Variants in MYO5B observed in about 807,000 individuals in gnomAD.
MYO5B encodes the protein myosin VB.
Under a neutral mutation model 229.3 loss-of-function variants are expected in MYO5B, and 143 were observed. That is an observed-to-expected ratio of 0.62 (90% CI 0.54 to 0.72). The LOEUF (loss-of-function observed/expected upper bound fraction) is 0.72, where lower values mean the gene tolerates loss of function less well. Among genes scored for constraint, MYO5B ranks in the 30% least tolerant of loss-of-function variants. MYO5B has a pLI of 0.00. For synonymous variants in MYO5B, 918 were observed against 885.2 expected, an observed-to-expected ratio of 1.04 and a Z score of -0.66; for missense variants, 2,321 against 2,331.0, an observed-to-expected ratio of 1.00 and a Z score of 0.09.
rs570217403 is a variant in MYO5B, at chr18:50,055,439, G to T, written c.28-61C>A. On this transcript the variant is annotated intron_variant, in intron 1 of 39. Coordinates refer to ENST00000285039, the MANE Select transcript of MYO5B (RefSeq NM_001080467.3). ...ACAAAGCTCTCAGATTTCTAAATGT[G>T]TGTCACTACCTAGAAAGTGCCCATC... 24 of 1,385,678 alleles carry T rather than the reference G, an allele frequency of 1.7e-5. No homozygotes were observed. In the East Asian group the frequency reaches 4.8e-4, roughly 28 times the overall value. 85.8% of individuals were successfully genotyped at this position (1,385,678 alleles called of 1,614,324 possible). A position where few individuals can be genotyped will look rare whatever the true frequency, so the allele number is the denominator to read the frequency against.
chr18:49,974,479 A>G lies in MYO5B; in HGVS notation c.1193T>C (p.Ile398Thr), dbSNP rs760268635. 6 of 1,614,132 alleles carry G rather than the reference A, an allele frequency of 3.7e-6. No individual in the cohort carries two copies. The highest frequency in any genetic ancestry group is 4.2e-6 in the Non-Finnish European group (5 of 1,180,020). The stretch of plus-strand genomic sequence containing the variant: ...CTTCGCCAGGGCGTTGCGCGCATTG[A>G]TCACCTGCTGCAGGGACATGGTCTT... Reference protein sequence around the residue: ...YVKTMSLQQVINARNALAKHI... With the variant: ...YVKTMSLQQVTNARNALAKHI... The change falls in exon 10 of 40, where the codon ATC becomes ACC. Residue 398 changes from isoleucine (I) to threonine (T), a missense_variant. By Grantham distance (89) the Ile-to-Thr change is moderately conservative (BLOSUM62 -1). Transcript: ENST00000285039.
intron 14 of MYO5B, among the ~76,000 whole-genome samples, chr18:49,952,458 C>T (rs1399366414): frequency 6.6e-6 from 1 of 152,032 alleles, no homozygotes; most frequent in Non-Finnish European, 1.5e-5. Flanking sequence ...ACCCTCTCCC[C>T]GTGCTCCTTC....
At chr18:49,874,488 T>C (rs997754445) in intron 26 of MYO5B, among the ~76,000 whole-genome samples, 1 of 152,236 alleles carries the variant, frequency 6.6e-6, no homozygotes, top group African/African-American at 2.4e-5. Flanking sequence ...CTTTCCATTC[T>C]GAATCAAGTC....
chr18:50,170,430 C>T lies in MYO5B; in HGVS notation c.27+24337G>A, dbSNP rs1448802198. On this transcript the variant is annotated intron_variant, in intron 1 of 39. Transcript: ENST00000285039. ...CTTTAGAATATTACCTACAAATAAA[C>T]GGGGACTTTGATAAATAACTATTCA... 7.8e-5 allele frequency among the ~76,000 whole-genome samples: 10 copies of T among 127,712 alleles called. 4 individuals carry two copies. In the East Asian group the frequency reaches 1.4e-3, roughly 17 times the overall value. 83.8% of individuals were successfully genotyped at this position (127,712 alleles called of 152,430 possible).
At chr18:49,837,942 T>G (rs529909282) in intron 36 of MYO5B, 140 bp from the exon 37 acceptor site, 8 of 1,151,058 alleles carry the variant, frequency 7.0e-6, no homozygotes, top group Non-Finnish European at 1.0e-5. Context: ...TAGGAACTTA[T>G]AACATTTGGC....
chr18:50,137,794 T>C (rs1156437857), intron 1 of MYO5B, among the ~76,000 whole-genome samples: 2 of 152,192 alleles, frequency 1.3e-5, no homozygotes, highest in African/African-American at 2.4e-5. Flanking sequence ...TGGAATACTA[T>C]GCAGCTATGA....
Position 50,111,468 on chromosome 18 carries a change from C to CT in MYO5B, c.28-56091dup, listed in dbSNP as rs375714062. On this transcript the variant is annotated intron_variant, in intron 1 of 39. Transcript: ENST00000285039. ...AACAGATCCTTCTGGTTCTCATTCT[C>CT]TTTGAAAGTTCTGGGGCAAATTCTC... Among the ~76,000 whole-genome samples, 820 of 152,304 alleles carry CT rather than the reference C, an allele frequency of 5.4e-3. 2 individuals are homozygous for CT. Among genetic ancestry groups the CT allele is most frequent in the African/African-American group, 0.019 (792 of 41,572 alleles).
chr18:50,026,743 A>G (rs60954036), intron 4 of MYO5B, among the ~76,000 whole-genome samples: 1,732 of 152,326 alleles, frequency 0.011, 33 homozygotes, highest in African/African-American at 0.04. Flanking sequence ...TGTGCCTGAC[A>G]TTCAGCAAAC....
At chr18:49,833,976 A>C (rs769442905) in intron 39 of MYO5B, among the ~76,000 whole-genome samples, 21 of 152,088 alleles carry the variant, frequency 1.4e-4, no homozygotes, top group Non-Finnish European at 2.8e-4. Context: ...CCCTTAGGAG[A>C]ACAACCTTTA....
chr18:50,081,426 A>C (rs560555631), intron 1 of MYO5B, among the ~76,000 whole-genome samples: 28 of 152,354 alleles, frequency 1.8e-4, no homozygotes, highest in Non-Finnish European at 3.1e-4. Flanking sequence ...GCTGATTCAT[A>C]CACTCTACAC....
chr18:50,061,439 G>C (rs554214883), intron 1 of MYO5B, among the ~76,000 whole-genome samples: 9 of 152,278 alleles, frequency 5.9e-5, no homozygotes, highest in African/African-American at 2.2e-4. Flanking sequence ...ATGAGAAAAG[G>C]AAAATAAGAA....
chr18:50,086,913 C>T (rs2031342934), intron 1 of MYO5B, among the ~76,000 whole-genome samples: 1 of 152,100 alleles, frequency 6.6e-6, no homozygotes, highest in South Asian at 2.1e-4. Context: ...GGTCTGTATA[C>T]AGCAACATAG....
chr18:50,122,806 A>AT (rs1035857828), intron 1 of MYO5B, among the ~76,000 whole-genome samples: 17 of 152,194 alleles, frequency 1.1e-4, no homozygotes, highest in African/African-American at 4.1e-4. Flanking sequence ...AAAAAATAAA[A>AT]TAGAAAATAA....
At chr18:50,091,911 T>C (rs774398962) in intron 1 of MYO5B, among the ~76,000 whole-genome samples, 8 of 152,226 alleles carry the variant, frequency 5.3e-5, no homozygotes, top group Non-Finnish European at 1.2e-4. Context: ...GACAATGCAC[T>C]GGGACCATCC....
At chr18:49,826,721 A>T in intron 39 of MYO5B, 98 bp from the exon 40 acceptor site, 1 of 1,402,564 alleles carries the variant, frequency 7.1e-7, no homozygotes, top group Non-Finnish European at 1.0e-6. Flanking sequence ...TCATGGAAAG[A>T]TTTCTACGAC....
rs555135005 is a variant in MYO5B, at chr18:49,880,063, G to A, written c.3130+308C>T. Among the ~76,000 whole-genome samples the A allele has an allele frequency of 5.3e-5, 8 of 152,264 alleles. No homozygotes were observed. In the East Asian group the frequency reaches 1.5e-3, roughly 29 times the overall value. On this transcript the variant is annotated intron_variant, in intron 23 of 39. Transcript: ENST00000285039. ...GGACCTTTATGTCCATGTAGTAGAT[G>A]AACAAACTGAAAGCCTATTCAAGGC...
At chr18:50,062,880 C>T (rs931862317) in intron 1 of MYO5B, among the ~76,000 whole-genome samples, 3 of 152,116 alleles carry the variant, frequency 2.0e-5, no homozygotes, top group African/African-American at 7.2e-5. Context: ...GGTCCCCACT[C>T]CCATCATCAG....
intron 1 of MYO5B, among the ~76,000 whole-genome samples, chr18:50,136,364 CTTTT>C (rs11426659): frequency 7.6e-6 from 1 of 131,778 alleles, no homozygotes; most frequent in Admixed American, 7.8e-5. Flanking sequence ...TTTTTTTTTA[CTTTT>C]TTTTTTTTTT....
chr18:50,060,337 T>C (rs948333098), intron 1 of MYO5B, among the ~76,000 whole-genome samples: 3 of 152,212 alleles, frequency 2.0e-5, no homozygotes, highest in African/African-American at 7.2e-5. Flanking sequence ...CCAAACTCTC[T>C]AGAACCAAAG....
Sources: gnomAD v4.1 joint callset for allele counts (sites outside exome capture counted in the v4.1 genomes callset) on GRCh38, gnomAD v4.1.1 for gene constraint, MANE v1.5 for transcripts, NCBI Gene and HGNC (gene_info 2026-07-23, HGNC 2026-07-21) for gene names.